The following GINM1 variants were observed in gnomAD, a reference collection of about 807,000 sequenced individuals.
GINM1 encodes the protein glycoprotein integral membrane protein 1.
Under a neutral mutation model 37.8 loss-of-function variants are expected in GINM1, and 29 were observed. The observed-to-expected ratio is 0.77, with a 90% confidence interval of 0.57 to 1.05. GINM1 has a LOEUF of 1.05. Ranked by LOEUF, GINM1 falls within the 50% of genes least tolerant of loss-of-function variation. GINM1 has a pLI of 0.00. For missense variants in GINM1, 377 were observed against 397.9 expected (o/e 0.95, Z 0.45); for synonymous variants, 143 against 146.2 (o/e 0.98, Z 0.16).
In GINM1 at chr6:149,590,617, C is replaced by T. The variant is rs1778139996; in HGVS notation, c.882-110C>T. On this transcript the variant is annotated intron_variant, in intron 7 of 7. Coordinates refer to ENST00000367419, the MANE Select transcript of GINM1 (RefSeq NM_138785.5). Reference sequence around the variant, plus strand: ...ATTTTTAAATAGAATGTAGCAAAAGCACCTAACCTTAGGTGTATATTATAA... The same window carrying T: ...ATTTTTAAATAGAATGTAGCAAAAGTACCTAACCTTAGGTGTATATTATAA... 6.8e-6 allele frequency: 4 copies of T among 591,916 alleles called. 1 individual carries two copies. The South Asian group carries it at 9.0e-5, about 13-fold the overall frequency. 36.7% of individuals were successfully genotyped at this position (591,916 alleles called of 1,614,324 possible).
chr6:149,566,543 G>C lies in GINM1; in HGVS notation c.120+9G>C. On this transcript the variant is annotated intron_variant, in intron 1 of 7. Coordinates refer to ENST00000367419, the MANE Select transcript of GINM1 (RefSeq NM_138785.5). This position sits in a 1 kb window ranked among gnomAD's most constrained non-coding sequence, Gnocchi z 4.4. ...TGTCCGGAGCCCCACAGGTAGGGCA[G>C]GGCGGGCCTGGCTGGCCGCTTTACG... is the stretch of plus-strand genomic sequence containing the variant. The C allele has an allele frequency of 8.7e-6, 13 of 1,500,826 alleles. No homozygotes were observed. The highest frequency in any genetic ancestry group is 1.1e-5 in the Non-Finnish European group (12 of 1,130,272). The allele number at this position is 1,500,826 out of a possible 1,614,324, so 93.0% of individuals were successfully genotyped here.
At chr6:149,573,072 C>A (rs1433741797) in intron 3 of GINM1, among the ~76,000 whole-genome samples, 1 of 152,092 alleles carries the variant, frequency 6.6e-6, no homozygotes, top group East Asian at 1.9e-4. Flanking sequence ...CCTGTAATCC[C>A]AACACTTTGG....
chr6:149,582,329 A>G (rs1778014625), intron 6 of GINM1, 111 bp from the exon 7 acceptor site: 1 of 919,630 alleles, frequency 1.1e-6, no homozygotes, highest in African/African-American at 1.7e-5. Flanking sequence ...CTACCAGCAC[A>G]ATCAAAATAT....
intron 1 of GINM1, among the ~76,000 whole-genome samples, chr6:149,571,576 A>C (rs924181866): frequency 6.6e-6 from 1 of 152,296 alleles, no homozygotes; most frequent in South Asian, 2.1e-4. Context: ...TAGTAAAACT[A>C]TAAAGAAAAG....
At position 149,591,028 on chromosome 6, in the gene GINM1, C is replaced by T. The variant is rs1458548336; in HGVS notation, c.*190C>T. 2 of 507,062 alleles carry T rather than the reference C, an allele frequency of 3.9e-6. No individual in the cohort carries two copies. Among genetic ancestry groups the T allele is most frequent in the Non-Finnish European group, 7.0e-6 (2 of 287,260 alleles). The allele number at this position is 507,062 out of a possible 1,614,324, so 31.4% of individuals were successfully genotyped here. On this transcript the variant is annotated 3_prime_UTR_variant, in exon 8 of 8. Coordinates refer to ENST00000367419, the MANE Select transcript of GINM1 (RefSeq NM_138785.5). ...CCTTATTCTCGGCCGGGTGCAGTGGCTCATGCCTGTAATCCCAGGACTTTG... is the reference window on the plus strand; with the variant it reads ...CCTTATTCTCGGCCGGGTGCAGTGGTTCATGCCTGTAATCCCAGGACTTTG...
chr6:149,582,535 G>C lies in GINM1; in HGVS notation c.813G>C (p.Val271=), dbSNP rs1215502914. 3 of 1,612,356 alleles carry C rather than the reference G, an allele frequency of 1.9e-6. No homozygotes were observed. The East Asian group carries it at 6.7e-5, about 36-fold the overall frequency. The part of the protein sequence containing the change: ...PVFFQFLNIM[V]VGITGAAVVI... ...TCTTTCAGTTTTTGAACATCATGGT[G>C]GTTGGAATTACAGGAGCAGCTGTGG... Residue 271 remains valine, a synonymous_variant, in exon 7 of 8, where the codon GTG becomes GTC. Coordinates refer to ENST00000367419, the MANE Select transcript of GINM1 (RefSeq NM_138785.5).
At chr6:149,578,731 G>C (rs1240150791) in intron 3 of GINM1, 91 bp from the exon 4 acceptor site, 1 of 859,240 alleles carries the variant, frequency 1.2e-6, no homozygotes, top group Non-Finnish European at 1.8e-6. Flanking sequence ...CAACTGTCTT[G>C]TTCCATGTAA....
chr6:149,567,680 G>T (rs183391148), intron 1 of GINM1, among the ~76,000 whole-genome samples: 2 of 152,230 alleles, frequency 1.3e-5, no homozygotes, highest in Admixed American at 1.3e-4. Flanking sequence ...AACGTTTTAG[G>T]ATAATGACAT....
chr6:149,567,678 A>C (rs1232187426), intron 1 of GINM1, among the ~76,000 whole-genome samples: 1 of 152,234 alleles, frequency 6.6e-6, no homozygotes, highest in Non-Finnish European at 1.5e-5. Flanking sequence ...TTAACGTTTT[A>C]GGATAATGAC....
In GINM1 at chr6:149,568,306, A is replaced by AT. The variant is rs570758555; in HGVS notation, c.120+1774dup. Reference sequence around the variant, plus strand: ...GCTGAACAACTAGAAAGAGAATCTCATTACCTGGACTGTGTCTGTGGGAAA... The same window carrying AT: ...GCTGAACAACTAGAAAGAGAATCTCATTTACCTGGACTGTGTCTGTGGGAAA... On this transcript the variant is annotated intron_variant, in intron 1 of 7. Coordinates refer to ENST00000367419, the MANE Select transcript of GINM1 (RefSeq NM_138785.5). Among the ~76,000 whole-genome samples, 36 of 152,348 alleles carry AT rather than the reference A, an allele frequency of 2.4e-4. No homozygotes were observed. The East Asian group carries it at 5.4e-3, about 23-fold the overall frequency.
intron 7 of GINM1, among the ~76,000 whole-genome samples, chr6:149,588,440 G>A (rs941224026): frequency 2.0e-5 from 3 of 152,082 alleles, no homozygotes; most frequent in Admixed American, 6.5e-5. Context: ...AATGCACATT[G>A]CAGATTTTTT....
intron 6 of GINM1, chr6:149,581,925 C>T (rs1347531123): frequency 9.2e-5 from 39 of 425,786 alleles, no homozygotes; most frequent in Admixed American, 4.9e-4. Context: ...CTTCATAGTC[C>T]GTGCCATCAG....
At chr6:149,571,693 G>C (rs1486047635) in intron 1 of GINM1, among the ~76,000 whole-genome samples, 2 of 152,028 alleles carry the variant, frequency 1.3e-5, no homozygotes, top group Non-Finnish European at 2.9e-5. Context: ...TTTTATCCTC[G>C]GTGGTACTTA....
rs1316908155 is a variant in GINM1 at position 149,573,691 on chromosome 6, A to G, written c.277+1088A>G. ...AGACCAGCCCGGGCAACATGGTAAA[A>G]CCTTGTCTCTGCAAAAAATACAAAA... On this transcript the variant is annotated intron_variant, in intron 3 of 7. Transcript: ENST00000367419. 6.6e-5 allele frequency among the ~76,000 whole-genome samples: 10 copies of G among 152,008 alleles called. No homozygotes were observed. In the East Asian group the frequency reaches 1.7e-3, roughly 26 times the overall value.
intron 4 of GINM1, 121 bp from the exon 5 acceptor site, chr6:149,579,713 G>T: frequency 7.6e-6 from 4 of 529,444 alleles, no homozygotes; most frequent in Non-Finnish European, 6.4e-6. Flanking sequence ...AAAAAAAAGA[G>T]TAATTGTCTG....
intron 1 of GINM1, among the ~76,000 whole-genome samples, chr6:149,569,518 T>C (rs1036896240): frequency 2.7e-5 from 4 of 150,314 alleles, no homozygotes; most frequent in African/African-American, 9.8e-5. Context: ...TTTGTATTTT[T>C]AGTAGAGACG....
chr6:149,581,548 C>T (rs1298376413), intron 6 of GINM1, among the ~76,000 whole-genome samples: 5 of 152,186 alleles, frequency 3.3e-5, no homozygotes. Flanking sequence ...GGGGCACCCA[C>T]TTAATCTGAA....
intron 3 of GINM1, among the ~76,000 whole-genome samples, chr6:149,577,867 C>G (rs1202147548): frequency 2.6e-5 from 4 of 152,196 alleles, no homozygotes; most frequent in African/African-American, 9.6e-5. Context: ...GCCGTTGGCT[C>G]TGTAAACCAG....
chr6:149,587,402 A>C (rs1778085643), intron 7 of GINM1, among the ~76,000 whole-genome samples: 1 of 152,118 alleles, frequency 6.6e-6, no homozygotes. Context: ...TTCAGATGCC[A>C]GTTGTAAGCC....
Sources: gnomAD v4.1 joint callset for allele counts (sites outside exome capture counted in the v4.1 genomes callset) on GRCh38, gnomAD v4.1.1 for gene constraint, Gnocchi (gnomAD v3.1) non-coding constraint, MANE v1.5 for transcripts, NCBI Gene and HGNC (gene_info 2026-07-23, HGNC 2026-07-21) for gene names.